Variants in TMEM74 observed in about 807,000 individuals in gnomAD.
The protein encoded by TMEM74 is transmembrane protein 74.
In TMEM74, 13 loss-of-function variants were observed where a neutral mutation model predicts 18.1. That is an observed-to-expected ratio of 0.72 (90% confidence interval 0.47 to 1.14). The LOEUF is 1.14. Ranked by LOEUF, TMEM74 falls within the 50% of genes most tolerant of loss-of-function variation. TMEM74 has a pLI of 0.00. For missense variants in TMEM74, 372 were observed against 375.9 expected, an observed-to-expected ratio of 0.99 and a Z score of 0.09; for synonymous variants, 159 against 146.6, an observed-to-expected ratio of 1.08 and a Z score of -0.61.
intron 2 of TMEM74, among the ~76,000 whole-genome samples, chr8:108,610,418 C>A (rs1303283831): frequency 6.6e-6 from 1 of 152,062 alleles, no homozygotes; most frequent in Non-Finnish European, 1.5e-5. Flanking sequence ...TGAATCTATG[C>A]CCTCATGAAT....
chr8:108,776,244 A>C (rs1461579430), downstream of TMEM74, among the ~76,000 whole-genome samples: 1 of 152,212 alleles, frequency 6.6e-6, no homozygotes, highest in East Asian at 1.9e-4. Flanking sequence ...TGTAATCCCA[A>C]CACTTCGGGC....
chr8:108,750,565 A>C (rs993805248), intron 1 of TMEM74, among the ~76,000 whole-genome samples: 2 of 152,134 alleles, frequency 1.3e-5, no homozygotes, highest in African/African-American at 4.8e-5. Context: ...ATTTCCTGAC[A>C]GTCCACAGCT....
chr8:108,633,968 A>T (rs959374651), intron 2 of TMEM74, among the ~76,000 whole-genome samples: 1 of 152,020 alleles, frequency 6.6e-6, no homozygotes, highest in African/African-American at 2.4e-5. Context: ...CTTTGCAGAA[A>T]TCTTGAAGAA....
At chr8:108,627,457 G>A (rs558188883) in intron 2 of TMEM74, among the ~76,000 whole-genome samples, 1 of 152,112 alleles carries the variant, frequency 6.6e-6, no homozygotes, top group Non-Finnish European at 1.5e-5. Context: ...TAGGGATAAT[G>A]CTAATCATGA....
intron 1 of TMEM74, among the ~76,000 whole-genome samples, chr8:108,756,145 G>A (rs758838131): frequency 2.0e-5 from 3 of 151,936 alleles, no homozygotes; most frequent in Admixed American, 1.3e-4. Flanking sequence ...AATTTCAAAC[G>A]ATTAGGTTTT....
intron 1 of TMEM74, among the ~76,000 whole-genome samples, chr8:108,676,192 G>A (rs1490746970): frequency 6.6e-6 from 1 of 152,116 alleles, no homozygotes; most frequent in Non-Finnish European, 1.5e-5. Context: ...ACATATGCAG[G>A]ACCGCAAAAT....
intron 1 of TMEM74, among the ~76,000 whole-genome samples, chr8:108,669,178 TTA>T (rs1271317721): frequency 6.6e-6 from 1 of 152,110 alleles, no homozygotes; most frequent in Admixed American, 6.6e-5. Flanking sequence ...GTTTTTCAGG[TTA>T]TGTTTCAGTT....
chr8:108,725,618 G>T (rs1450170098), intron 1 of TMEM74, among the ~76,000 whole-genome samples: 1 of 152,166 alleles, frequency 6.6e-6, no homozygotes, highest in East Asian at 1.9e-4. Flanking sequence ...CCTAAGACAG[G>T]TATGTAGTTT....
intron 2 of TMEM74, among the ~76,000 whole-genome samples, chr8:108,612,318 C>A (rs939000252): frequency 6.6e-6 from 1 of 152,038 alleles, no homozygotes; most frequent in Non-Finnish European, 1.5e-5. Context: ...CATTATTCTA[C>A]TTCAAGAAAT....
chr8:108,623,199 G>A (rs967875199), intron 2 of TMEM74, among the ~76,000 whole-genome samples: 4 of 152,104 alleles, frequency 2.6e-5, no homozygotes, highest in African/African-American at 9.7e-5. Flanking sequence ...CCTGTGAGGA[G>A]GATATGTGCT....
intron 1 of TMEM74, among the ~76,000 whole-genome samples, chr8:108,674,369 A>G (rs1813032767): frequency 6.6e-6 from 1 of 152,200 alleles, no homozygotes; most frequent in Admixed American, 6.5e-5. Flanking sequence ...AGTGAATTAT[A>G]CTGGAAACAA....
At chr8:108,644,663 A>T (rs985066105) in intron 2 of TMEM74, among the ~76,000 whole-genome samples, 1 of 152,180 alleles carries the variant, frequency 6.6e-6, no homozygotes, top group Non-Finnish European at 1.5e-5. Flanking sequence ...AAACAAAAAC[A>T]AACAACCCTG....
At chr8:108,618,560 A>T (rs960246847) in intron 2 of TMEM74, among the ~76,000 whole-genome samples, 1 of 152,190 alleles carries the variant, frequency 6.6e-6, no homozygotes, top group Non-Finnish European at 1.5e-5. Flanking sequence ...GGTTATCAGT[A>T]CACTGGAGTA....
chr8:108,616,714 G>A (rs1812387499), intron 2 of TMEM74, among the ~76,000 whole-genome samples: 1 of 152,060 alleles, frequency 6.6e-6, no homozygotes, highest in African/African-American at 2.4e-5. Context: ...TTCCAAGTTT[G>A]TTGCTAAGCT....
chr8:108,702,158 C>T (rs985663344), intron 1 of TMEM74, among the ~76,000 whole-genome samples: 5 of 151,744 alleles, frequency 3.3e-5, no homozygotes, highest in African/African-American at 9.7e-5. Context: ...GCCTGGCCAA[C>T]GTAGTGAAAC....
intron 1 of TMEM74, among the ~76,000 whole-genome samples, chr8:108,732,379 C>T (rs1191243995): frequency 1.3e-5 from 2 of 152,082 alleles, no homozygotes; most frequent in South Asian, 4.1e-4. Flanking sequence ...CTCTTCATCC[C>T]ATGTGAGCTT....
At chr8:108,630,349 A>T (rs1464985341) in intron 2 of TMEM74, among the ~76,000 whole-genome samples, 1 of 151,476 alleles carries the variant, frequency 6.6e-6, no homozygotes, top group Non-Finnish European at 1.5e-5. Flanking sequence ...GAGATCTACA[A>T]AGAGACTTAG....
At chr8:108,687,519 C>T (rs1158991457) in intron 1 of TMEM74, among the ~76,000 whole-genome samples, 1 of 152,078 alleles carries the variant, frequency 6.6e-6, no homozygotes, top group African/African-American at 2.4e-5. Context: ...GCTCGTTGTT[C>T]ACTTTATTTC....
intron 1 of TMEM74, among the ~76,000 whole-genome samples, chr8:108,681,135 A>G (rs1293247056): frequency 6.6e-6 from 1 of 152,184 alleles, no homozygotes; most frequent in African/African-American, 2.4e-5. Flanking sequence ...TAAGCTACCA[A>G]TGACTTTCTT....
Sources: allele counts gnomAD v4.1 joint callset (sites outside exome capture counted in the v4.1 genomes callset), GRCh38; gene constraint gnomAD v4.1.1; transcripts MANE v1.5; gene names NCBI Gene and HGNC (gene_info 2026-07-23, HGNC 2026-07-21).